Variants in HTR4 observed in about 807,000 individuals in gnomAD.
HTR4 encodes 5-hydroxytryptamine (serotonin) receptor 4, G protein-coupled.
Under a neutral mutation model 36.8 loss-of-function variants are expected in HTR4, and 16 were observed. The observed-to-expected ratio is 0.43, with a 90% CI of 0.29 to 0.66. The LOEUF is 0.66. HTR4 is among the 30% of genes least tolerant of loss of function. The pLI, the probability that HTR4 is intolerant of heterozygous loss-of-function variation, is 0.13. For missense variants in HTR4, 438 were observed against 490.9 expected, an observed-to-expected ratio of 0.89 and a Z score of 1.02; for synonymous variants, 189 against 185.1, an observed-to-expected ratio of 1.02 and a Z score of -0.17.
downstream of HTR4, among the ~76,000 whole-genome samples, chr5:148,477,594 G>T (rs1012384750): frequency 2.0e-5 from 3 of 152,152 alleles, no homozygotes; most frequent in Non-Finnish European, 4.4e-5. Flanking sequence ...GTACAGCCTG[G>T]TTTTCTGATC....
At chr5:148,477,722 T>G (rs140328887), downstream of HTR4, among the ~76,000 whole-genome samples, 191 of 152,360 alleles carry the variant, frequency 1.3e-3, 1 homozygote, top group African/African-American at 4.0e-3. Flanking sequence ...TACTGAATTA[T>G]GATCAGCCTT....
At chr5:148,642,485 C>A (rs140107062) in intron 1 of HTR4, among the ~76,000 whole-genome samples, 2,196 of 152,224 alleles carry the variant, frequency 0.014, 23 homozygotes, top group Non-Finnish European at 0.02. Flanking sequence ...ATGTGTAAGG[C>A]CAGATATTGG....
chr5:148,510,697 C>T (rs113750901), intron 5 of HTR4, among the ~76,000 whole-genome samples: 2,391 of 152,326 alleles, frequency 0.016, 31 homozygotes, highest in Middle Eastern at 0.048. Context: ...CTATACTGTG[C>T]TAAACTTAGC....
intron 2 of HTR4, among the ~76,000 whole-genome samples, chr5:148,633,711 G>T (rs1259054479): frequency 3.9e-5 from 6 of 152,006 alleles, no homozygotes; most frequent in African/African-American, 1.5e-4. Flanking sequence ...TTAAGCCCAG[G>T]AAATTGTCTC....
rs533119641 is a variant in HTR4 at position 148,639,031 on chromosome 5, AGTGAGACCCT to A, written c.-47-1980_-47-1971del. 5.3e-5 allele frequency among the ~76,000 whole-genome samples: 8 copies of A among 152,194 alleles called. No individual in the cohort carries two copies. In the South Asian group the frequency reaches 1.7e-3, roughly 32 times the overall value. On this transcript the variant is annotated intron_variant, in intron 1 of 6. Transcript: ENST00000377888. ...TACTGTACTCCAGCCTGGGTGACAA[AGTGAGACCCT>A]GTCTCAAGAAAAAGAAAGAAAGAAA...
At chr5:148,638,289 C>G (rs562770346) in intron 1 of HTR4, among the ~76,000 whole-genome samples, 1 of 152,228 alleles carries the variant, frequency 6.6e-6, no homozygotes, top group Non-Finnish European at 1.5e-5. Flanking sequence ...ACTCTGAGCC[C>G]CCTCCCCTAA....
intron 6 of HTR4, among the ~76,000 whole-genome samples, chr5:148,493,842 G>A (rs1034643120): frequency 6.6e-6 from 1 of 152,152 alleles, no homozygotes; most frequent in Non-Finnish European, 1.5e-5. Flanking sequence ...ATTCATCTTT[G>A]ATTTACCCAG....
In HTR4 at chr5:148,501,836, G is replaced by A. The variant is rs573749672; in HGVS notation, c.1076+7620C>T. On this transcript the variant is annotated intron_variant, in intron 6 of 6. Transcript: ENST00000377888. ...GCACTTTGGGAGGCTGAGGTGGGTG[G>A]ATCACAGGGTCAGGAGATCGAGACC... 4.6e-5 allele frequency among the ~76,000 whole-genome samples: 7 copies of A among 152,160 alleles called. No individual in the cohort carries two copies. In the Middle Eastern group the frequency reaches 0.014, roughly 296 times the overall value.
chr5:148,578,290 G>A (rs915661442), intron 2 of HTR4, among the ~76,000 whole-genome samples: 5 of 151,802 alleles, frequency 3.3e-5, no homozygotes, highest in African/African-American at 1.2e-4. Context: ...GAACTATTTT[G>A]CAATAAATTA....
At chr5:148,499,895 C>T (rs1353626242) in intron 6 of HTR4, among the ~76,000 whole-genome samples, 1 of 152,046 alleles carries the variant, frequency 6.6e-6, no homozygotes, top group African/African-American at 2.4e-5. Context: ...TCTCTTGCTC[C>T]CCTTCTTGCC....
At chr5:148,523,805 C>A (rs1758136343) in intron 4 of HTR4, among the ~76,000 whole-genome samples, 1 of 152,132 alleles carries the variant, frequency 6.6e-6, no homozygotes, top group African/African-American at 2.4e-5. Flanking sequence ...CAACACTATC[C>A]CGATGCCTGT....
At chr5:148,516,526 G>A (rs1757764199) in intron 5 of HTR4, among the ~76,000 whole-genome samples, 1 of 151,698 alleles carries the variant, frequency 6.6e-6, no homozygotes, top group South Asian at 2.1e-4. Context: ...TACCATATTG[G>A]CCAGGCTGGT....
intron 5 of HTR4, among the ~76,000 whole-genome samples, chr5:148,464,965 C>T (rs1755386922): frequency 2.0e-5 from 3 of 151,712 alleles, no homozygotes; most frequent in Admixed American, 1.3e-4. Context: ...TGAAAGAAGC[C>T]AATCTGAAAA....
At chr5:148,535,366 G>C in intron 4 of HTR4, among the ~76,000 whole-genome samples, 1 of 152,172 alleles carries the variant, frequency 6.6e-6, no homozygotes, top group East Asian at 1.9e-4. Flanking sequence ...TCTCCAACGA[G>C]AGTTCTTAAC....
chr5:148,482,404 T>C lies in HTR4; in HGVS notation c.*799A>G, dbSNP rs79096841. ...CTAGCCCAGCAGGAGAGCGAGCATCTCAGGGCAGACACGCCAGCGGCCAGG... is the reference window on the plus strand; with the variant it reads ...CTAGCCCAGCAGGAGAGCGAGCATCCCAGGGCAGACACGCCAGCGGCCAGG... On this transcript the variant is annotated 3_prime_UTR_variant, in exon 7 of 7. Transcript: ENST00000377888. The C allele has an allele frequency of 2.6e-3, 2,535 of 985,648 alleles. 89 individuals carry two copies. The East Asian group carries it at 0.11, about 44-fold the overall frequency. The allele number at this position is 985,648 out of a possible 1,614,324, so 61.1% of individuals were successfully genotyped here.
At chr5:148,490,808 T>C (rs766065575) in intron 6 of HTR4, 171 of 808,148 alleles carry the variant, frequency 2.1e-4, no homozygotes, top group Non-Finnish European at 2.9e-4. Context: ...TCCCTCACAT[T>C]ATGCAGAAGA....
In HTR4 at chr5:148,512,931, A is replaced by G. The variant is rs545295343; in HGVS notation, c.508-2907T>C. Among the ~76,000 whole-genome samples the G allele has an allele frequency of 5.3e-4, 80 of 152,076 alleles. 2 individuals are homozygous for G. In the South Asian group the frequency reaches 0.016, roughly 30 times the overall value. ...GGGTGACAGAGTGAGACTCAGTCTC[A>G]AAGATATTGTCAAGAGATGTAAAGA... is the stretch of plus-strand genomic sequence containing the variant. On this transcript the variant is annotated intron_variant, in intron 5 of 6. Transcript: ENST00000377888.
chr5:148,626,925 A>G, intron 2 of HTR4, among the ~76,000 whole-genome samples: 1 of 152,160 alleles, frequency 6.6e-6, no homozygotes, highest in East Asian at 1.9e-4. Context: ...AGTTATCTCC[A>G]TCTCAATCAA....
chr5:148,534,899 A>T (rs749002994), intron 4 of HTR4, among the ~76,000 whole-genome samples: 5 of 152,026 alleles, frequency 3.3e-5, no homozygotes, highest in Non-Finnish European at 5.9e-5. Context: ...ATGAATACTG[A>T]GATTGCCCCA....
Sources: gnomAD v4.1 joint callset for allele counts (sites outside exome capture counted in the v4.1 genomes callset) on GRCh38, gnomAD v4.1.1 for gene constraint, MANE v1.5 for transcripts, NCBI Gene and HGNC (gene_info 2026-07-23, HGNC 2026-07-21) for gene names.